The following CTNNA3 variants were observed in gnomAD, a reference collection of about 807,000 sequenced individuals.
CTNNA3 encodes the protein catenin alpha-3.
In CTNNA3, 76 loss-of-function variants were observed where a neutral mutation model predicts 95.7. The ratio of observed to expected loss-of-function variants is 0.79; its 90% confidence interval spans 0.66 to 0.96. CTNNA3 has a LOEUF of 0.96. CTNNA3 is among the 40% of genes least tolerant of loss of function. The probability of loss-of-function intolerance (pLI) is 0.00; values close to 1 mark genes in which losing one functional copy is unlikely to be tolerated. For synonymous variants in CTNNA3, 431 were observed against 374.4 expected (o/e 1.15, Z -1.74); for missense variants, 1,191 against 1,089.8 (o/e 1.09, Z -1.31).
intron 11 of CTNNA3, among the ~76,000 whole-genome samples, chr10:66,457,746 A>G (rs2093504265): frequency 6.6e-6 from 1 of 152,062 alleles, no homozygotes; most frequent in Non-Finnish European, 1.5e-5. Context: ...TGACACTGAA[A>G]CAAAAATAGC....
intron 6 of CTNNA3, among the ~76,000 whole-genome samples, chr10:67,199,030 T>TA (rs1470368137): frequency 2.0e-5 from 3 of 147,702 alleles, no homozygotes; most frequent in Middle Eastern, 3.2e-3. Flanking sequence ...GAGGGAGATG[T>TA]AAAAAAAATA....
At chr10:67,162,941 A>G (rs1430472933) in intron 7 of CTNNA3, among the ~76,000 whole-genome samples, 4 of 151,956 alleles carry the variant, frequency 2.6e-5, no homozygotes, top group Non-Finnish European at 4.4e-5. Flanking sequence ...CTCAATATGC[A>G]ACAGATAATT....
chr10:66,661,407 A>G (rs1402229418), intron 9 of CTNNA3, among the ~76,000 whole-genome samples: 2 of 152,094 alleles, frequency 1.3e-5, no homozygotes, highest in African/African-American at 2.4e-5. Flanking sequence ...ACCGCCCCCT[A>G]TGATTCAAAT....
chr10:67,026,424 T>A (rs1289133029), intron 7 of CTNNA3, among the ~76,000 whole-genome samples: 1 of 152,030 alleles, frequency 6.6e-6, no homozygotes, highest in East Asian at 1.9e-4. Context: ...TAATGAATTG[T>A]ATTAAATACT....
At chr10:67,555,059 T>C (rs1309888333) in intron 3 of CTNNA3, among the ~76,000 whole-genome samples, 2 of 151,850 alleles carry the variant, frequency 1.3e-5, no homozygotes, top group African/African-American at 4.8e-5. Flanking sequence ...AAGATCAGAA[T>C]ATTGTACATG....
Position 67,352,946 on chromosome 10 carries a change from C to G in CTNNA3, c.580-133076G>C, listed in dbSNP as rs113949624. ...TTCCAGGTATGTACACAATGGCCAA[C>G]TAGCAGAAAATAAATCATTAGAAAA... is the stretch of plus-strand genomic sequence containing the variant. On this transcript the variant is annotated intron_variant, in intron 5 of 17. Transcript: ENST00000433211. 2.8e-3 allele frequency among the ~76,000 whole-genome samples: 423 copies of G among 152,018 alleles called. 3 individuals are homozygous for G. The highest frequency in any genetic ancestry group is 9.8e-3 in the African/African-American group (406 of 41,518).
At chr10:66,334,347 T>C (rs1187671781) in intron 12 of CTNNA3, among the ~76,000 whole-genome samples, 2 of 151,940 alleles carry the variant, frequency 1.3e-5, no homozygotes, top group African/African-American at 4.8e-5. Context: ...ATTTGGCATG[T>C]TTTTGCAGTG....
chr10:67,452,053 G>C (rs1382442634), intron 5 of CTNNA3, among the ~76,000 whole-genome samples: 1 of 136,934 alleles, frequency 7.3e-6, no homozygotes. Context: ...GAGGGAGGGA[G>C]GGAGGAATGG....
At chr10:66,673,291 G>A (rs893108119) in intron 9 of CTNNA3, among the ~76,000 whole-genome samples, 7 of 152,020 alleles carry the variant, frequency 4.6e-5, no homozygotes, top group East Asian at 3.9e-4. Context: ...ATTTTTGTTC[G>A]TTAAATCACC....
At chr10:66,207,646 C>T (rs1346012990) in intron 13 of CTNNA3, among the ~76,000 whole-genome samples, 1 of 151,860 alleles carries the variant, frequency 6.6e-6, no homozygotes, top group African/African-American at 2.4e-5. Flanking sequence ...AAAACTGTTG[C>T]GTTTTACATT....
intron 13 of CTNNA3, among the ~76,000 whole-genome samples, chr10:66,245,816 A>G (rs191051376): frequency 2.6e-5 from 4 of 152,338 alleles, no homozygotes; most frequent in Admixed American, 6.5e-5. Context: ...AGCTCCTCTC[A>G]GGTTCTGGTC....
intron 13 of CTNNA3, among the ~76,000 whole-genome samples, 187 bp downstream of exon 13, chr10:66,280,283 T>C (rs2091469781): frequency 6.6e-6 from 1 of 152,040 alleles, no homozygotes; most frequent in Non-Finnish European, 1.5e-5. Context: ...TATAACCAAA[T>C]ACATAAGTAA....
At chr10:66,321,852 C>T (rs1227575188) in intron 12 of CTNNA3, among the ~76,000 whole-genome samples, 1 of 152,112 alleles carries the variant, frequency 6.6e-6, no homozygotes, top group Non-Finnish European at 1.5e-5. Context: ...ATATGAGTGT[C>T]CTAGTGACCA....
chr10:66,632,674 GCT>G (rs1166299786), intron 9 of CTNNA3, among the ~76,000 whole-genome samples: 2 of 151,638 alleles, frequency 1.3e-5, no homozygotes, highest in Admixed American at 6.6e-5. Flanking sequence ...CCAATTTCCT[GCT>G]CTCTACTTTC....
At position 66,490,448 on chromosome 10, in the gene CTNNA3, C is replaced by T. The variant is rs931296751; in HGVS notation, c.1531+30169G>A. Among the ~76,000 whole-genome samples, 8 of 152,100 alleles carry T rather than the reference C, an allele frequency of 5.3e-5. 1 individual carries two copies. The South Asian group carries it at 1.5e-3, about 28-fold the overall frequency. On this transcript the variant is annotated intron_variant, in intron 11 of 17. Coordinates refer to ENST00000433211, the MANE Select transcript of CTNNA3 (RefSeq NM_013266.4). ...CTTTTAACCTGAAACAGATCATCTT[C>T]CAACATATAAAAAGAAGACTATTTA...
chr10:66,084,636 T>A (rs2080910668), intron 14 of CTNNA3, among the ~76,000 whole-genome samples: 1 of 152,208 alleles, frequency 6.6e-6, no homozygotes, highest in South Asian at 2.1e-4. Flanking sequence ...AAATGTTTTA[T>A]CTGTATACAC....
At chr10:67,301,947 C>T (rs1392996382) in intron 5 of CTNNA3, among the ~76,000 whole-genome samples, 6 of 144,260 alleles carry the variant, frequency 4.2e-5, no homozygotes, top group Non-Finnish European at 7.5e-5. Flanking sequence ...CCAGCCTGGG[C>T]GACAGAGCGA....
chr10:67,189,163 C>T (rs1177165272), intron 6 of CTNNA3, among the ~76,000 whole-genome samples: 1 of 151,148 alleles, frequency 6.6e-6, no homozygotes, highest in South Asian at 2.1e-4. Context: ...ACAGAAAATT[C>T]TGTCATTTGC....
chr10:66,273,535 T>C (rs966529266), intron 13 of CTNNA3, among the ~76,000 whole-genome samples: 1 of 152,114 alleles, frequency 6.6e-6, no homozygotes, highest in Admixed American at 6.6e-5. Flanking sequence ...CAAAATGACA[T>C]GACAGAATAC....
Sources: allele counts gnomAD v4.1 joint callset (sites outside exome capture counted in the v4.1 genomes callset), GRCh38; gene constraint gnomAD v4.1.1; transcripts MANE v1.5; gene names NCBI Gene and HGNC (gene_info 2026-07-23, HGNC 2026-07-21).